The following ELP3 variants were observed in gnomAD, a reference collection of about 807,000 sequenced individuals.
ELP3 encodes elongator complex protein 3.
Under a neutral mutation model 74.9 loss-of-function variants are expected in ELP3, and 56 were observed. That is an observed-to-expected ratio of 0.75 (90% CI 0.60 to 0.93). The LOEUF is 0.93. Among genes scored for constraint, ELP3 ranks in the 40% least tolerant of loss-of-function variants. The pLI, the probability that ELP3 is intolerant of heterozygous loss-of-function variation, is 0.00. For missense variants in ELP3, 573 were observed against 686.5 expected, an observed-to-expected ratio of 0.83 and a Z score of 1.85; for synonymous variants, 222 against 239.8, an observed-to-expected ratio of 0.93 and a Z score of 0.68.
intron 1 of ELP3, 115 bp downstream of exon 1, chr8:28,093,348 C>T (rs978414774): frequency 4.9e-6 from 7 of 1,433,318 alleles, no homozygotes; most frequent in African/African-American, 1.4e-5. Flanking sequence ...GTCCAGTCGC[C>T]CCGCCACCTA....
At chr8:28,154,393 G>A (rs963992419) in intron 10 of ELP3, among the ~76,000 whole-genome samples, 3 of 152,110 alleles carry the variant, frequency 2.0e-5, no homozygotes, top group African/African-American at 7.2e-5. Context: ...CATGTAATGG[G>A]CGCTAACACT....
chr8:28,166,907 A>G (rs1353855215), intron 14 of ELP3, among the ~76,000 whole-genome samples: 2 of 152,216 alleles, frequency 1.3e-5, no homozygotes, highest in African/African-American at 2.4e-5. Flanking sequence ...ATGACCAGCT[A>G]TTCCCCAAGC....
At chr8:28,122,281 G>A (rs376077099) in intron 7 of ELP3, among the ~76,000 whole-genome samples, 190 of 152,224 alleles carry the variant, frequency 1.2e-3, no homozygotes, top group African/African-American at 4.4e-3. Flanking sequence ...TCAGGTATTC[G>A]TTGTTGGTAT....
intron 14 of ELP3, among the ~76,000 whole-genome samples, chr8:28,176,056 A>T (rs1814740047): frequency 2.6e-5 from 4 of 151,942 alleles, no homozygotes; most frequent in Admixed American, 1.3e-4. Context: ...ACCTCAAGTG[A>T]TCCACCTGCC....
chr8:28,189,860 G>A lies in ELP3; in HGVS notation c.*135G>A. 2.1e-6 allele frequency: 2 copies of A among 942,974 alleles called. No homozygotes were observed. Among genetic ancestry groups the A allele is most frequent in the East Asian group, 2.5e-5 (1 of 40,042 alleles). The allele number at this position is 942,974 out of a possible 1,614,324, so 58.4% of individuals were successfully genotyped here. A position where few individuals can be genotyped will look rare whatever the true frequency, so the allele number is the denominator to read the frequency against. Reference sequence around the variant, plus strand: ...CCCTCATCCCGCAGCTGCAGAGACTGGAAACTGCCTTCAAGGCCACGGCTG... The same window carrying A: ...CCCTCATCCCGCAGCTGCAGAGACTAGAAACTGCCTTCAAGGCCACGGCTG... On this transcript the variant is annotated 3_prime_UTR_variant, in exon 15 of 15. Coordinates refer to ENST00000256398, the MANE Select transcript of ELP3 (RefSeq NM_018091.6).
At chr8:28,102,399 CT>C (rs1811524826) in intron 3 of ELP3, among the ~76,000 whole-genome samples, 1 of 152,132 alleles carries the variant, frequency 6.6e-6, no homozygotes, top group Non-Finnish European at 1.5e-5. Context: ...ATGCTTTGGC[CT>C]TTATTATTTC....
intron 7 of ELP3, among the ~76,000 whole-genome samples, chr8:28,114,401 G>T (rs930453723): frequency 3.9e-5 from 6 of 152,146 alleles, no homozygotes; most frequent in African/African-American, 1.2e-4. Context: ...AGTTCTACAG[G>T]CTTCACATGA....
chr8:28,135,441 T>A (rs373970874), intron 9 of ELP3, among the ~76,000 whole-genome samples: 1 of 152,194 alleles, frequency 6.6e-6, no homozygotes, highest in East Asian at 1.9e-4. Flanking sequence ...TGCTTTGGGC[T>A]GAGTGGCCTG....
At chr8:28,140,145 TG>T (rs1813178210) in intron 10 of ELP3, among the ~76,000 whole-genome samples, 1 of 151,562 alleles carries the variant, frequency 6.6e-6, no homozygotes, top group Non-Finnish European at 1.5e-5. Context: ...TGTGTGTGTG[TG>T]TGTGTGTGTT....
chr8:28,187,766 C>T (rs1482981581), intron 14 of ELP3, among the ~76,000 whole-genome samples: 2 of 151,886 alleles, frequency 1.3e-5, no homozygotes, highest in Non-Finnish European at 2.9e-5. Flanking sequence ...AGGGAGCTTG[C>T]GGGGCAGGTT....
chr8:28,141,706 T>C (rs1813244480), intron 10 of ELP3, among the ~76,000 whole-genome samples: 1 of 152,232 alleles, frequency 6.6e-6, no homozygotes, highest in Non-Finnish European at 1.5e-5. Flanking sequence ...CTTGGGACTT[T>C]TTATGTAACT....
chr8:28,094,193 T>C (rs1250217861), intron 1 of ELP3, among the ~76,000 whole-genome samples: 1 of 152,246 alleles, frequency 6.6e-6, no homozygotes, highest in Non-Finnish European at 1.5e-5. Flanking sequence ...ACCAGGATTC[T>C]TTTAGTTTCT....
chr8:28,125,685 C>T (rs1563260728), intron 7 of ELP3, among the ~76,000 whole-genome samples: 1 of 150,770 alleles, frequency 6.6e-6, no homozygotes, highest in Non-Finnish European at 1.5e-5. Context: ...GAAATAGAAA[C>T]ATGCTTCCCA....
chr8:28,177,219 T>G (rs1201268919), intron 14 of ELP3, among the ~76,000 whole-genome samples: 1 of 152,154 alleles, frequency 6.6e-6, no homozygotes, highest in African/African-American at 2.4e-5. Flanking sequence ...GGGTAACCTT[T>G]GTATGATTTT....
chr8:28,163,718 C>T (rs967333636), intron 14 of ELP3, among the ~76,000 whole-genome samples: 1 of 152,194 alleles, frequency 6.6e-6, no homozygotes, highest in African/African-American at 2.4e-5. Flanking sequence ...GACTTAGAAG[C>T]CCTCTGCACA....
At chr8:28,167,411 C>A (rs1402951521) in intron 14 of ELP3, among the ~76,000 whole-genome samples, 1 of 152,204 alleles carries the variant, frequency 6.6e-6, no homozygotes, top group Non-Finnish European at 1.5e-5. Context: ...CTGAGATTTA[C>A]TTATTCGACC....
At chr8:28,131,244 T>C (rs1021595181) in intron 8 of ELP3, among the ~76,000 whole-genome samples, 2 of 152,234 alleles carry the variant, frequency 1.3e-5, no homozygotes, top group African/African-American at 2.4e-5. Context: ...ACCTGTAGAA[T>C]AGCCAAGTGA....
chr8:28,153,340 A>G (rs977986709), intron 10 of ELP3, among the ~76,000 whole-genome samples: 11 of 152,178 alleles, frequency 7.2e-5, no homozygotes, highest in African/African-American at 2.4e-4. Context: ...TTAATGTTTT[A>G]CCTTTGCCAC....
intron 11 of ELP3, among the ~76,000 whole-genome samples, chr8:28,158,213 C>T (rs1205672045): frequency 6.6e-6 from 1 of 152,112 alleles, no homozygotes; most frequent in African/African-American, 2.4e-5. Flanking sequence ...CTGGATTGTA[C>T]TTTCAGATAG....
Sources: allele counts gnomAD v4.1 joint callset (sites outside exome capture counted in the v4.1 genomes callset), GRCh38; gene constraint gnomAD v4.1.1; transcripts MANE v1.5; gene names NCBI Gene and HGNC (gene_info 2026-07-23, HGNC 2026-07-21).